Variants in DPP6 observed in about 807,000 individuals in gnomAD.
DPP6 encodes the protein A-type potassium channel modulatory protein DPP6.
In DPP6, 69 loss-of-function variants were observed where a neutral mutation model predicts 122.6. That is an observed-to-expected ratio of 0.56 (90% confidence interval 0.46 to 0.69). The LOEUF (loss-of-function observed/expected upper bound fraction) is 0.69, where lower values mean the gene tolerates loss of function less well. DPP6 is among the 30% of genes least tolerant of loss of function. DPP6 has a pLI of 0.00. For missense variants in DPP6, 928 were observed against 1,116.9 expected, an observed-to-expected ratio of 0.83 and a Z score of 2.41; for synonymous variants, 418 against 433.1, an observed-to-expected ratio of 0.97 and a Z score of 0.43.
At chr7:154,631,535 T>C (rs1452905913) in intron 5 of DPP6, among the ~76,000 whole-genome samples, 1 of 152,062 alleles carries the variant, frequency 6.6e-6, no homozygotes, top group Non-Finnish European at 1.5e-5. Context: ...GGGTGCAGTG[T>C]CTCATGCCTG....
chr7:153,977,858 T>A (rs1223636825), intron 1 of DPP6, among the ~76,000 whole-genome samples: 1 of 152,158 alleles, frequency 6.6e-6, no homozygotes, highest in African/African-American at 2.4e-5. Context: ...TCCAGCTTCA[T>A]CCATGTCCCT....
intron 7 of DPP6, among the ~76,000 whole-genome samples, chr7:154,709,456 G>A (rs1841032140): frequency 2.6e-5 from 4 of 152,134 alleles, no homozygotes; most frequent in Admixed American, 2.6e-4. Context: ...CTGGCCTCAA[G>A]TAATCCTCCC....
intron 23 of DPP6, among the ~76,000 whole-genome samples, chr7:154,888,905 A>G (rs1341732241): frequency 6.6e-6 from 1 of 152,218 alleles, no homozygotes; most frequent in East Asian, 1.9e-4. Flanking sequence ...AAGAGAAAGC[A>G]TGTGCAGGGA....
the DPP6 span, among the ~76,000 whole-genome samples, chr7:153,853,769 T>A: frequency 6.6e-6 from 1 of 152,172 alleles, no homozygotes; most frequent in Admixed American, 6.5e-5. Context: ...AAAAAAATAG[T>A]TATTCTTTTC....
At chr7:154,858,653 C>T (rs1422590584) in intron 17 of DPP6, among the ~76,000 whole-genome samples, 2 of 152,210 alleles carry the variant, frequency 1.3e-5, no homozygotes, top group African/African-American at 4.8e-5. Flanking sequence ...AAGAGATGCT[C>T]CTCAGGCCCT....
chr7:154,583,630 G>A (rs1832232206), intron 5 of DPP6, among the ~76,000 whole-genome samples: 1 of 152,164 alleles, frequency 6.6e-6, no homozygotes, highest in Non-Finnish European at 1.5e-5. Context: ...TAGAAACACT[G>A]ACTCGGGACC....
intron 1 of DPP6, among the ~76,000 whole-genome samples, chr7:154,046,671 ATT>A (rs1800031514): frequency 6.6e-6 from 1 of 152,130 alleles, no homozygotes; most frequent in African/African-American, 2.4e-5. Context: ...TTTCACAGTC[ATT>A]GTGTTGTTGG....
intron 2 of DPP6, among the ~76,000 whole-genome samples, chr7:154,465,607 A>C (rs77681166): frequency 0.16 from 23,880 of 152,268 alleles, 2,534 homozygotes; most frequent in Admixed American, 0.29. Context: ...TATGAAAAAA[A>C]GTTCATCATC....
At chr7:154,619,394 T>C (rs1044487645) in intron 5 of DPP6, among the ~76,000 whole-genome samples, 8 of 152,218 alleles carry the variant, frequency 5.3e-5, no homozygotes, top group African/African-American at 1.9e-4. Flanking sequence ...GAGCTACTTA[T>C]ATCTTTTCAA....
In DPP6 at chr7:154,792,633, G is replaced by C. The variant is rs533761715; in HGVS notation, c.1137-1446G>C. On this transcript the variant is annotated intron_variant, in intron 10 of 25. Coordinates refer to ENST00000377770, the MANE Select transcript of DPP6 (RefSeq NM_130797.4). ...CAGGGGGGAGGGCATGGTCCCTGTGGACATGCAAGCCAGGTTCTGGGGCAG... is the reference window on the plus strand; with the variant it reads ...CAGGGGGGAGGGCATGGTCCCTGTGCACATGCAAGCCAGGTTCTGGGGCAG... Among the ~76,000 whole-genome samples the C allele has an allele frequency of 4.6e-5, 7 of 152,342 alleles. No individual in the cohort carries two copies. In the South Asian group the frequency reaches 1.4e-3, roughly 32 times the overall value.
intron 1 of DPP6, among the ~76,000 whole-genome samples, chr7:154,327,259 G>T (rs112652929): frequency 8.4e-4 from 128 of 152,302 alleles, no homozygotes; most frequent in Non-Finnish European, 1.5e-3. Flanking sequence ...GTAAAAAGCC[G>T]TGTTAAGTGC....
intron 1 of DPP6, among the ~76,000 whole-genome samples, chr7:154,238,675 A>G (rs1366083324): frequency 6.6e-6 from 1 of 152,160 alleles, no homozygotes; most frequent in Non-Finnish European, 1.5e-5. Context: ...CTCTGTCTTT[A>G]TTTGCACCTA....
chr7:153,939,679 A>G (rs1801611469), intron 1 of DPP6, among the ~76,000 whole-genome samples: 1 of 152,250 alleles, frequency 6.6e-6, no homozygotes, highest in African/African-American at 2.4e-5. Flanking sequence ...AAGAAGGTGA[A>G]TAAGACAGAA....
chr7:154,831,754 G>A (rs562793709), intron 16 of DPP6, among the ~76,000 whole-genome samples: 73 of 152,192 alleles, frequency 4.8e-4, no homozygotes, highest in Middle Eastern at 3.4e-3. Flanking sequence ...CATATACCAC[G>A]GGGTTTCTTT....
chr7:154,530,154 A>G (rs1048645169), intron 3 of DPP6, among the ~76,000 whole-genome samples: 1 of 152,048 alleles, frequency 6.6e-6, no homozygotes, highest in African/African-American at 2.4e-5. Flanking sequence ...AAAGAAAAAA[A>G]AGAAGGAAAT....
At chr7:154,166,495 C>A (rs947070345) in intron 1 of DPP6, among the ~76,000 whole-genome samples, 1 of 152,002 alleles carries the variant, frequency 6.6e-6, no homozygotes, top group Non-Finnish European at 1.5e-5. Flanking sequence ...TAAACTGAGG[C>A]GTGGACTACA....
At chr7:154,199,804 C>T (rs901836747) in intron 1 of DPP6, among the ~76,000 whole-genome samples, 4 of 151,972 alleles carry the variant, frequency 2.6e-5, no homozygotes, top group Non-Finnish European at 4.4e-5. Flanking sequence ...GACAGGTTTT[C>T]GCCATGTTGG....
chr7:154,106,430 A>G (rs1486161281), intron 1 of DPP6, among the ~76,000 whole-genome samples: 1 of 123,104 alleles, frequency 8.1e-6, no homozygotes, highest in Non-Finnish European at 1.7e-5. Context: ...TGTGATTGAC[A>G]TTCTGGTGAA....
intron 1 of DPP6, among the ~76,000 whole-genome samples, chr7:154,007,583 C>T (rs1178830805): frequency 1.3e-5 from 2 of 152,162 alleles, no homozygotes; most frequent in Non-Finnish European, 2.9e-5. Flanking sequence ...TTAGATGAGG[C>T]CGCAAGTACT....
Sources: allele counts gnomAD v4.1 joint callset (sites outside exome capture counted in the v4.1 genomes callset), GRCh38; gene constraint gnomAD v4.1.1; transcripts MANE v1.5; gene names NCBI Gene and HGNC (gene_info 2026-07-23, HGNC 2026-07-21).